The following PCDHGB1 variants were observed in gnomAD, a reference collection of about 807,000 sequenced individuals.
PCDHGB1 encodes the protein protocadherin gamma subfamily B, 1, also known as protocadherin gamma-B1.
In PCDHGB1, 34 loss-of-function variants were observed where a neutral mutation model predicts 56.6. The observed-to-expected ratio is 0.60, with a 90% CI of 0.46 to 0.80. PCDHGB1 has a LOEUF of 0.80. PCDHGB1 is among the 30% of genes least tolerant of loss of function. PCDHGB1 has a pLI of 0.00. For synonymous variants in PCDHGB1, 561 were observed against 505.9 expected (o/e 1.11, Z -1.46); for missense variants, 1,278 against 1,204.6 (o/e 1.06, Z -0.90).
chr5:141,461,347 G>C (rs2154567331), intron 1 of PCDHGB1, among the ~76,000 whole-genome samples: 1 of 152,242 alleles, frequency 6.6e-6, no homozygotes, highest in Admixed American at 6.5e-5. Flanking sequence ...GGACCAAGGT[G>C]GTAGCTCGTT....
At chr5:141,362,777 T>C in intron 1 of PCDHGB1, 1 of 604,080 alleles carries the variant, frequency 1.7e-6, no homozygotes, top group Non-Finnish European at 2.8e-6. Flanking sequence ...TATTGCACTG[T>C]ATTTCTTTTT....
chr5:141,407,706 G>C (rs1350991580), intron 1 of PCDHGB1, among the ~76,000 whole-genome samples: 3 of 152,006 alleles, frequency 2.0e-5, no homozygotes, highest in Admixed American at 1.3e-4. Context: ...GTTGAAGGTG[G>C]GGTGATGGCT....
At chr5:141,433,261 A>G (rs761584659) in intron 1 of PCDHGB1, 4 of 1,344,710 alleles carry the variant, frequency 3.0e-6, no homozygotes, top group Non-Finnish European at 4.1e-6. Context: ...CGGTACGATC[A>G]TAGCTCACTG....
rs1354304006 is a variant in PCDHGB1, at chr5:141,350,620, C to A, written c.360C>A (p.Ile120=). ...PMNVFHVVVV[I]QDINDNAPRF... is the part of the protein sequence containing the mutation. ...ATGTTTTCCACGTGGTTGTTGTAAT[C>A]CAAGATATTAATGACAATGCACCAC... Residue 120 remains isoleucine (I), a synonymous_variant, in exon 1 of 4, where the codon ATC becomes ATA. Coordinates refer to ENST00000523390, the MANE Select transcript of PCDHGB1 (RefSeq NM_018922.3). 2 of 1,613,990 alleles carry A rather than the reference C, an allele frequency of 1.2e-6. No individual in the cohort carries two copies. The highest frequency in any genetic ancestry group is 1.7e-6 in the Non-Finnish European group (2 of 1,179,886).
Position 141,487,424 on chromosome 5 carries a change from C to T in PCDHGB1, c.2410-7383C>T, listed in dbSNP as rs759893122. 5 of 1,613,982 alleles carry T rather than the reference C, an allele frequency of 3.1e-6. No individual in the cohort carries two copies. The highest frequency in any genetic ancestry group is 1.7e-5 in the Admixed American group (1 of 60,000). On this transcript the variant is annotated intron_variant, in intron 1 of 3. Transcript: ENST00000523390. The surrounding 1 kb of genome is among the most constrained non-coding windows in gnomAD (Gnocchi z 5.0). ...GCTTCCCCCTTCCAATGGGATCCTC[C>T]GAATCCAGCTAGGGTCAGATGACCC...
rs369354938 is a variant in PCDHGB1, at chr5:141,404,125, T to C, written c.2409+51456T>C. 7.5e-4 allele frequency: 1,204 copies of C among 1,613,214 alleles called. 1 individual carries two copies. The highest frequency in any genetic ancestry group is 8.4e-4 in the Non-Finnish European group (986 of 1,179,494). On this transcript the variant is annotated intron_variant, in intron 1 of 3. Coordinates refer to ENST00000523390, the MANE Select transcript of PCDHGB1 (RefSeq NM_018922.3). Reference sequence around the variant, plus strand: ...TCTGTTCTATCCAGGAGAATCTATCTTTTACATTAGAAAATTCAGAAGAAG... The same window carrying C: ...TCTGTTCTATCCAGGAGAATCTATCCTTTACATTAGAAAATTCAGAAGAAG...
intron 1 of PCDHGB1, chr5:141,388,545 C>T (rs1293366202): frequency 6.2e-7 from 1 of 1,613,680 alleles, no homozygotes; most frequent in Non-Finnish European, 8.5e-7. Flanking sequence ...TGGAGCTCCA[C>T]CCCTAAGCAG....
At chr5:141,413,639 G>T (rs893578830) in intron 1 of PCDHGB1, 1 of 1,613,736 alleles carries the variant, frequency 6.2e-7, no homozygotes, top group African/African-American at 1.3e-5. Flanking sequence ...GCGGGAATGC[G>T]TTTTCCTCTC....
intron 1 of PCDHGB1, chr5:141,402,800 C>A: frequency 9.3e-7 from 1 of 1,072,728 alleles, no homozygotes; most frequent in Non-Finnish European, 1.3e-6. Flanking sequence ...ACACAAAACC[C>A]GGCAGATACC....
At chr5:141,367,089 C>A in intron 1 of PCDHGB1, 1 of 258,634 alleles carries the variant, frequency 3.9e-6, no homozygotes, top group Non-Finnish European at 7.4e-6. Flanking sequence ...ATATTGTTCT[C>A]TTTTGAGTGT....
chr5:141,384,787 C>T (rs761655907), intron 1 of PCDHGB1: 32 of 1,613,552 alleles, frequency 2.0e-5, no homozygotes, highest in Non-Finnish European at 2.4e-5. Flanking sequence ...GCGCACGGCT[C>T]GGGCCCTGCT....
chr5:141,428,119 C>CCGGGCTTTTCAGCCTGGGGCTGCACA, intron 1 of PCDHGB1: 1 of 1,606,630 alleles, frequency 6.2e-7, no homozygotes, highest in Non-Finnish European at 8.5e-7. Context: ...GCCATCGAGC[C>CCGGGCTTTTCAGCCTGGGGCTGCACA]CGGGCTTTTC....
chr5:141,427,556 C>A (rs1022143090), intron 1 of PCDHGB1: 7 of 649,144 alleles, frequency 1.1e-5, no homozygotes, highest in African/African-American at 1.1e-4. Flanking sequence ...CTGCCACTGA[C>A]AAGGGCAAGC....
intron 1 of PCDHGB1, chr5:141,388,313 T>C: frequency 6.2e-7 from 1 of 1,613,738 alleles, no homozygotes; most frequent in Non-Finnish European, 8.5e-7. Flanking sequence ...TGCAAATAAG[T>C]GAGTCTGCAC....
intron 1 of PCDHGB1, among the ~76,000 whole-genome samples, chr5:141,397,443 A>G (rs1307784938): frequency 6.6e-6 from 1 of 152,244 alleles, no homozygotes; most frequent in African/African-American, 2.4e-5. Flanking sequence ...TATGTGTAAT[A>G]TAAAACACTA....
chr5:141,356,415 GAC>G, intron 1 of PCDHGB1: 1 of 1,602,540 alleles, frequency 6.2e-7, no homozygotes, highest in Non-Finnish European at 8.5e-7. Flanking sequence ...ATCGGTTGTT[GAC>G]ACACAGAACA....
In PCDHGB1 at chr5:141,494,832, G is replaced by A. The variant is rs758427900; in HGVS notation, c.2435G>A (p.Arg812His). The A allele has an allele frequency of 1.2e-6, 2 of 1,614,066 alleles. No homozygotes were observed. Among genetic ancestry groups the A allele is most frequent in the Non-Finnish European group, 1.7e-6 (2 of 1,179,994 alleles). The change falls in exon 2 of 4, where the codon CGT (arginine) becomes CAT (histidine). Residue 812 changes from arginine (R) to histidine (H), a missense_variant. Transcript: ENST00000523390. ...CAAGCCCCGCCCAACACGGACTGGC[G>A]TTTCTCTCAGGCCCAGAGACCCGGC... ...SHQAPPNTDW[R>H]FSQAQRPGTS...
chr5:141,504,786 C>T (rs568185327), intron 2 of PCDHGB1, among the ~76,000 whole-genome samples: 1 of 152,132 alleles, frequency 6.6e-6, no homozygotes, highest in Non-Finnish European at 1.5e-5. Flanking sequence ...TCTCTTGGGG[C>T]CTCCTACATC....
rs745457172 is a variant in PCDHGB1 at position 141,490,744 on chromosome 5, C to T, written c.2410-4063C>T. The stretch of plus-strand genomic sequence containing the variant: ...TGTAGGAAATCAGGTTCAGGGAGCC[C>T]CAGCCTCCTCCTTTGTGTATGTCAA... On this transcript the variant is annotated intron_variant, in intron 1 of 3. Coordinates refer to ENST00000523390, the MANE Select transcript of PCDHGB1 (RefSeq NM_018922.3). The surrounding 1 kb of genome is among the most constrained non-coding windows in gnomAD (Gnocchi z 5.4). 1 of 1,614,142 alleles carries T rather than the reference C, an allele frequency of 6.2e-7. No homozygotes were observed. Among genetic ancestry groups the T allele is most frequent in the Non-Finnish European group, 8.5e-7 (1 of 1,180,006 alleles).
Sources: gnomAD v4.1 joint callset for allele counts (sites outside exome capture counted in the v4.1 genomes callset) on GRCh38, gnomAD v4.1.1 for gene constraint, Gnocchi (gnomAD v3.1) non-coding constraint, MANE v1.5 for transcripts, NCBI Gene and HGNC (gene_info 2026-07-23, HGNC 2026-07-21) for gene names.